The following CDHR3 variants were observed in gnomAD, a reference collection of about 807,000 sequenced individuals.
CDHR3 encodes cadherin related family member 3.
CDHR3 carries 79 observed loss-of-function variants against 86.6 expected under a neutral mutation model. The observed-to-expected ratio is 0.91, with a 90% CI of 0.76 to 1.10. The LOEUF (loss-of-function observed/expected upper bound fraction) is 1.10, where lower values mean the gene tolerates loss of function less well. Ranked by LOEUF, CDHR3 falls within the 50% of genes least tolerant of loss-of-function variation. The pLI, the probability that CDHR3 is intolerant of heterozygous loss-of-function variation, is 0.00. For synonymous variants in CDHR3, 421 were observed against 402.4 expected (o/e 1.05, Z -0.55); for missense variants, 1,081 against 1,077.6 (o/e 1.00, Z -0.04).
chr7:106,013,078 C>A, intron 9 of CDHR3, 47 bp downstream of exon 9: 1 of 1,503,658 alleles, frequency 6.7e-7, no homozygotes, highest in South Asian at 1.4e-5. Flanking sequence ...GGGAATTGGT[C>A]CAACATGCAT....
chr7:105,992,348 T>C (rs1010546015), intron 4 of CDHR3, among the ~76,000 whole-genome samples: 1 of 152,230 alleles, frequency 6.6e-6, no homozygotes, highest in African/African-American at 2.4e-5. Flanking sequence ...TGCTGATTTA[T>C]GGATATGCGA....
chr7:105,996,319 C>A lies in CDHR3; in HGVS notation c.678C>A (p.Ile226=). The A allele has an allele frequency of 1.9e-6, 3 of 1,597,850 alleles. No homozygotes were observed. Among genetic ancestry groups the A allele is most frequent in the Non-Finnish European group, 2.6e-6 (3 of 1,167,126 alleles). ...LKASTELQVN[I]VNLNDEVPRF... ...CCTCCACAGAGCTCCAGGTGAACAT[C>A]GTGAACCTCAACGACGAAGTCCCTC... The change falls in exon 6 of 19, where the codon ATC becomes ATA. Residue 226 remains isoleucine (I), a synonymous_variant. Coordinates refer to ENST00000317716, the MANE Select transcript of CDHR3 (RefSeq NM_152750.5).
chr7:106,034,291 G>A lies in CDHR3; in HGVS notation c.*1594G>A, dbSNP rs948967513. Among the ~76,000 whole-genome samples the A allele has an allele frequency of 1.3e-5, 2 of 152,192 alleles. No individual in the cohort carries two copies. Among genetic ancestry groups the A allele is most frequent in the African/African-American group, 4.8e-5 (2 of 41,442 alleles). ...CTATGCCCTGCTGCCCAGCTGCTGC[G>A]ACCCTAGTCCAGTAACCCTAAGAAA... On this transcript the variant is annotated 3_prime_UTR_variant, in exon 19 of 19. Coordinates refer to ENST00000317716, the MANE Select transcript of CDHR3 (RefSeq NM_152750.5).
chr7:105,982,974 C>T (rs955074537), intron 3 of CDHR3, among the ~76,000 whole-genome samples: 5 of 109,710 alleles, frequency 4.6e-5, no homozygotes, highest in African/African-American at 1.6e-4. Flanking sequence ...CAAAGCAAGA[C>T]CCTATCTCAA....
intron 13 of CDHR3, 22 bp from the exon 14 acceptor site, chr7:106,022,176 C>T: frequency 1.2e-6 from 2 of 1,613,248 alleles, no homozygotes; most frequent in East Asian, 2.2e-5. Flanking sequence ...TTACCAACAC[C>T]CCTGCATCAA....
chr7:105,976,609 C>T (rs2115651518), intron 2 of CDHR3, among the ~76,000 whole-genome samples: 1 of 152,318 alleles, frequency 6.6e-6, no homozygotes, highest in African/African-American at 2.4e-5. Flanking sequence ...AGTCACTCAG[C>T]TATTCCCTTA....
At chr7:105,976,066 T>C (rs990861886) in intron 2 of CDHR3, among the ~76,000 whole-genome samples, 3 of 152,180 alleles carry the variant, frequency 2.0e-5, no homozygotes, top group Admixed American at 6.5e-5. Flanking sequence ...TCAGTCAGTC[T>C]ACATTGCAGC....
At chr7:105,984,152 TAATAAGA>T (rs1296888812) in intron 3 of CDHR3, 33 bp from the exon 4 acceptor site, 3 of 1,329,680 alleles carry the variant, frequency 2.3e-6, no homozygotes, top group South Asian at 1.5e-5. Flanking sequence ...ATTTTTGCTT[TAATAAGA>T]TGTTTCTTAT....
chr7:106,015,890 G>T (rs1199558470), intron 10 of CDHR3, 37 bp from the exon 11 acceptor site: 1 of 1,369,850 alleles, frequency 7.3e-7, no homozygotes, highest in South Asian at 1.2e-5. Flanking sequence ...GATGAGTATG[G>T]ATTTGTGATT....
intron 8 of CDHR3, among the ~76,000 whole-genome samples, chr7:106,007,210 C>A (rs1563277348): frequency 6.6e-6 from 1 of 152,246 alleles, no homozygotes; most frequent in South Asian, 2.1e-4. Context: ...CCGTTTCTTC[C>A]TCCTAAACCT....
intron 1 of CDHR3, among the ~76,000 whole-genome samples, chr7:105,965,840 A>G (rs1349509978): frequency 6.6e-6 from 1 of 152,170 alleles, no homozygotes; most frequent in Non-Finnish European, 1.5e-5. Flanking sequence ...TGCCACATAT[A>G]TAGAGGATAT....
chr7:106,002,183 T>G (rs1295027682), intron 7 of CDHR3, among the ~76,000 whole-genome samples: 1 of 152,160 alleles, frequency 6.6e-6, no homozygotes, highest in Non-Finnish European at 1.5e-5. Context: ...AAGAGATTTA[T>G]TTTCTTACCC....
chr7:105,996,916 G>C (rs1003912227), intron 6 of CDHR3, among the ~76,000 whole-genome samples: 1 of 152,124 alleles, frequency 6.6e-6, no homozygotes, highest in Non-Finnish European at 1.5e-5. Flanking sequence ...AGGGTAGTTT[G>C]TGGAAATGTG....
intron 3 of CDHR3, among the ~76,000 whole-genome samples, chr7:105,982,825 A>T (rs1829968542): frequency 6.6e-6 from 1 of 151,768 alleles, no homozygotes; most frequent in Non-Finnish European, 1.5e-5. Context: ...TCTACAAAAA[A>T]TACCAATATT....
At chr7:106,000,406 C>G (rs961768207) in intron 6 of CDHR3, among the ~76,000 whole-genome samples, 1 of 152,202 alleles carries the variant, frequency 6.6e-6, no homozygotes, top group African/African-American at 2.4e-5. Flanking sequence ...CTTCCTCTGG[C>G]CCTACCTACC....
At chr7:106,028,391 A>C in intron 16 of CDHR3, 160 bp from the exon 17 acceptor site, 1 of 781,564 alleles carries the variant, frequency 1.3e-6, no homozygotes, top group Non-Finnish European at 2.2e-6. Context: ...GAGAAGATGG[A>C]AAGTTGTCAA....
At chr7:105,998,513 C>T (rs775004466) in intron 6 of CDHR3, among the ~76,000 whole-genome samples, 5 of 152,040 alleles carry the variant, frequency 3.3e-5, no homozygotes, top group South Asian at 2.1e-4. Flanking sequence ...CCTGACACAC[C>T]GGGTGCAGTG....
intron 9 of CDHR3, among the ~76,000 whole-genome samples, chr7:106,013,879 A>T (rs1835176822): frequency 6.6e-6 from 1 of 152,216 alleles, no homozygotes; most frequent in African/African-American, 2.4e-5. Context: ...CAGTGTTAGT[A>T]GTTTGGTACA....
intron 8 of CDHR3, among the ~76,000 whole-genome samples, chr7:106,009,770 G>A (rs2115827577): frequency 6.6e-6 from 1 of 152,340 alleles, no homozygotes; most frequent in East Asian, 1.9e-4. Flanking sequence ...AGGCATCCGA[G>A]GCACGTGACA....
Sources: allele counts gnomAD v4.1 joint callset (sites outside exome capture counted in the v4.1 genomes callset), GRCh38; gene constraint gnomAD v4.1.1; transcripts MANE v1.5; gene names NCBI Gene and HGNC (gene_info 2026-07-23, HGNC 2026-07-21).